Variants in CNBD1 observed in about 807,000 individuals in gnomAD.
CNBD1 encodes the protein cyclic nucleotide-binding domain-containing protein 1.
In CNBD1, 71 loss-of-function variants were observed where a neutral mutation model predicts 54.4. That is an observed-to-expected ratio of 1.30 (90% CI 1.08 to 1.59). The LOEUF (loss-of-function observed/expected upper bound fraction) is 1.59. Among genes scored for constraint, CNBD1 ranks in the 40% most tolerant of loss-of-function variants. The pLI is 0.00. For missense variants in CNBD1, 659 were observed against 518.0 expected (o/e 1.27, Z -2.64); for synonymous variants, 182 against 170.7 (o/e 1.07, Z -0.51).
intron 4 of CNBD1, among the ~76,000 whole-genome samples, chr8:86,965,799 A>G (rs1291345666): frequency 1.3e-5 from 2 of 152,110 alleles, no homozygotes; most frequent in African/African-American, 4.8e-5. Context: ...GAGTGTTCCA[A>G]CAGCTCAGAG....
chr8:87,225,099 C>A (rs1191255898), intron 5 of CNBD1, among the ~76,000 whole-genome samples: 5 of 150,886 alleles, frequency 3.3e-5, no homozygotes, highest in Admixed American at 6.6e-5. Flanking sequence ...ATTTTGTATC[C>A]TGAGACTTTG....
intron 10 of CNBD1, among the ~76,000 whole-genome samples, chr8:87,377,907 T>C (rs966352296): frequency 1.4e-4 from 21 of 151,114 alleles, no homozygotes; most frequent in Admixed American, 4.0e-4. Context: ...TGGCCAGTGA[T>C]GATGAGCATT....
At chr8:87,406,137 G>C (rs544436275) in intron 2 of CNBD1, among the ~76,000 whole-genome samples, 1 of 152,036 alleles carries the variant, frequency 6.6e-6, no homozygotes, top group South Asian at 2.1e-4. Context: ...AAACAAGAAG[G>C]AATTTAAAAG....
chr8:86,980,514 T>C (rs1808463970), intron 4 of CNBD1, among the ~76,000 whole-genome samples: 1 of 152,262 alleles, frequency 6.6e-6, no homozygotes, highest in Admixed American at 6.5e-5. Flanking sequence ...CTCAGGTGAA[T>C]ACACAGTTTG....
intron 8 of CNBD1, among the ~76,000 whole-genome samples, chr8:87,313,405 A>G (rs144500265): frequency 6.6e-6 from 1 of 152,212 alleles, no homozygotes; most frequent in East Asian, 1.9e-4. Context: ...GTGCTTAAGC[A>G]GTTACACTCA....
intron 8 of CNBD1, among the ~76,000 whole-genome samples, chr8:87,348,953 G>A: frequency 6.6e-6 from 1 of 152,152 alleles, no homozygotes. Context: ...ATAAAATCAA[G>A]TTTGTTCTTT....
rs1042920517 is a variant in CNBD1 at position 86,916,569 on chromosome 8, A to G, written c.272+11375A>G. On this transcript the variant is annotated intron_variant, in intron 3 of 10. Transcript: ENST00000518476. ...CTGTTAAACTCTGCCATTTTACCTC[A>G]TTATGTGTACGTGTAAGTCTACTTC... Among the ~76,000 whole-genome samples, 208 of 152,078 alleles carry G rather than the reference A, an allele frequency of 1.4e-3. 4 individuals are homozygous for G. The highest frequency in any genetic ancestry group is 0.013 in the Admixed American group (205 of 15,262).
intron 6 of CNBD1, among the ~76,000 whole-genome samples, chr8:87,242,009 T>C (rs1807716834): frequency 6.6e-6 from 1 of 152,114 alleles, no homozygotes; most frequent in Non-Finnish European, 1.5e-5. Context: ...AAAAACTAGT[T>C]GAGGACATAA....
rs570882922 is a variant in CNBD1 at position 87,186,292 on chromosome 8, C to T, written c.432-19701C>T. 2.0e-5 allele frequency among the ~76,000 whole-genome samples: 3 copies of T among 152,124 alleles called. No individual in the cohort carries two copies. The South Asian group carries it at 6.2e-4, about 32-fold the overall frequency. ...ACTAAAGTTTTTCTTCTGCAGCCTT[C>T]CTCATCTCAATAAATTCTGCATAAT... On this transcript the variant is annotated intron_variant, in intron 4 of 10. Transcript: ENST00000518476.
chr8:87,037,219 C>A (rs547803041), intron 4 of CNBD1, among the ~76,000 whole-genome samples: 10 of 152,138 alleles, frequency 6.6e-5, no homozygotes, highest in East Asian at 1.9e-4. Flanking sequence ...ATTCACAATT[C>A]TTTAAAAGTG....
intron 4 of CNBD1, among the ~76,000 whole-genome samples, chr8:87,121,180 C>T (rs1042738166): frequency 6.6e-6 from 1 of 151,510 alleles, no homozygotes; most frequent in African/African-American, 2.4e-5. Context: ...AGTTAAAAGA[C>T]CAAACTTGAA....
At chr8:87,352,317 A>G (rs958577170) in intron 9 of CNBD1, among the ~76,000 whole-genome samples, 7 of 151,788 alleles carry the variant, frequency 4.6e-5, no homozygotes, top group Non-Finnish European at 1.0e-4. Flanking sequence ...TGTCTTTACT[A>G]AAAAATACAA....
intron 6 of CNBD1, among the ~76,000 whole-genome samples, chr8:87,254,087 A>T (rs1389446621): frequency 6.6e-6 from 1 of 152,176 alleles, no homozygotes; most frequent in Admixed American, 6.6e-5. Flanking sequence ...GCATTACAGA[A>T]ATAGGTCAGA....
At chr8:87,064,480 T>G (rs1468484449) in intron 4 of CNBD1, among the ~76,000 whole-genome samples, 2 of 152,080 alleles carry the variant, frequency 1.3e-5, no homozygotes, top group South Asian at 2.1e-4. Flanking sequence ...ATCCACTGTC[T>G]TCTTTGTTGA....
At chr8:87,017,074 G>A (rs574158545) in intron 4 of CNBD1, among the ~76,000 whole-genome samples, 1 of 151,994 alleles carries the variant, frequency 6.6e-6, no homozygotes, top group African/African-American at 2.4e-5. Flanking sequence ...ATCCCCCATA[G>A]GTCATACAGA....
downstream of CNBD1, among the ~76,000 whole-genome samples, chr8:87,385,548 A>G (rs565355495): frequency 6.6e-6 from 1 of 152,194 alleles, no homozygotes; most frequent in East Asian, 1.9e-4. Flanking sequence ...ATCAAACTGC[A>G]AGGCAGCAGT....
At chr8:87,231,288 T>C (rs775974915) in intron 5 of CNBD1, among the ~76,000 whole-genome samples, 4 of 152,168 alleles carry the variant, frequency 2.6e-5, no homozygotes, top group African/African-American at 4.8e-5. Context: ...CACACTGTAG[T>C]CTTATTTTAT....
intron 2 of CNBD1, among the ~76,000 whole-genome samples, chr8:86,895,165 A>G (rs554593294): frequency 1.3e-5 from 2 of 152,244 alleles, no homozygotes; most frequent in East Asian, 1.9e-4. Flanking sequence ...TTTCAAAAGC[A>G]TGAATTTTGG....
At chr8:86,873,138 G>A (rs1808465496) in intron 1 of CNBD1, among the ~76,000 whole-genome samples, 1 of 142,402 alleles carries the variant, frequency 7.0e-6, no homozygotes, top group African/African-American at 2.6e-5. Context: ...TTTCACTCTT[G>A]TTGCCCAGAC....
Sources: allele counts gnomAD v4.1 joint callset (sites outside exome capture counted in the v4.1 genomes callset), GRCh38; gene constraint gnomAD v4.1.1; transcripts MANE v1.5; gene names NCBI Gene and HGNC (gene_info 2026-07-23, HGNC 2026-07-21).